Variants in LYPLAL1 observed in about 807,000 individuals in gnomAD.
LYPLAL1 encodes lysophospholipase-like protein 1.
LYPLAL1 carries 23 observed loss-of-function variants against 19.7 expected under a neutral mutation model. The ratio of observed to expected loss-of-function variants is 1.17; its 90% CI spans 0.84 to 1.65. The LOEUF is 1.65. Ranked by LOEUF, LYPLAL1 falls within the 40% of genes most tolerant of loss-of-function variation. The pLI is 0.00. For synonymous variants in LYPLAL1, 119 were observed against 96.3 expected (o/e 1.24, Z -1.38); for missense variants, 355 against 279.4 (o/e 1.27, Z -1.93).
intron 3 of LYPLAL1, among the ~76,000 whole-genome samples, chr1:219,203,486 C>A (rs1160584558): frequency 6.6e-6 from 1 of 152,124 alleles, no homozygotes. Context: ...TATTCTAATA[C>A]TGTACAGGTA....
chr1:219,260,718 A>G, the LYPLAL1 span, among the ~76,000 whole-genome samples: 7 of 150,272 alleles, frequency 4.7e-5, no homozygotes, highest in Admixed American at 6.7e-5. Flanking sequence ...ATGCATAAAT[A>G]CACACACATA....
chr1:219,303,825 A>T, the LYPLAL1 span, among the ~76,000 whole-genome samples: 1 of 152,290 alleles, frequency 6.6e-6, no homozygotes, highest in East Asian at 1.9e-4. Context: ...TAGGTATCTT[A>T]TGATACCTGA....
chr1:219,220,917 A>G, the LYPLAL1 span, among the ~76,000 whole-genome samples: 5 of 152,284 alleles, frequency 3.3e-5, no homozygotes, highest in Non-Finnish European at 5.9e-5. Context: ...CACAACCTGA[A>G]AAAGTGTTAA....
chr1:219,217,933 T>G, the LYPLAL1 span, among the ~76,000 whole-genome samples: 1 of 152,068 alleles, frequency 6.6e-6, no homozygotes, highest in African/African-American at 2.4e-5. Context: ...ACTGGAATTT[T>G]GCAAAGGAGG....
At chr1:219,379,060 A>G in the LYPLAL1 span, among the ~76,000 whole-genome samples, 2 of 151,772 alleles carry the variant, frequency 1.3e-5, no homozygotes, top group Non-Finnish European at 2.9e-5. Flanking sequence ...ATTTCTCTCT[A>G]TATATATATT....
At chr1:219,248,083 A>G in the LYPLAL1 span, among the ~76,000 whole-genome samples, 4 of 152,160 alleles carry the variant, frequency 2.6e-5, no homozygotes, top group Non-Finnish European at 5.9e-5. Flanking sequence ...AAATTTTCCA[A>G]ATCAGAGAAA....
At chr1:219,241,353 G>A in the LYPLAL1 span, among the ~76,000 whole-genome samples, 1 of 151,586 alleles carries the variant, frequency 6.6e-6, no homozygotes, top group Non-Finnish European at 1.5e-5. Context: ...TTGACACTGC[G>A]AGAAGTTTGT....
intron 3 of LYPLAL1, among the ~76,000 whole-genome samples, chr1:219,202,529 A>G (rs931488941): frequency 6.6e-6 from 1 of 152,188 alleles, no homozygotes; most frequent in Non-Finnish European, 1.5e-5. Context: ...TACAGTGTCT[A>G]TTAGGGTACA....
chr1:219,398,380 G>C, the LYPLAL1 span, among the ~76,000 whole-genome samples: 311 of 152,170 alleles, frequency 2.0e-3, 2 homozygotes, highest in African/African-American at 7.0e-3. Context: ...TGAAATTCTT[G>C]CCATGAGTTT....
chr1:219,438,535 T>C, the LYPLAL1 span, among the ~76,000 whole-genome samples: 1 of 152,228 alleles, frequency 6.6e-6, no homozygotes, highest in Non-Finnish European at 1.5e-5. Context: ...CATTGTTCTG[T>C]AGTAAACAGG....
At chr1:219,360,179 A>G in the LYPLAL1 span, among the ~76,000 whole-genome samples, 33 of 152,230 alleles carry the variant, frequency 2.2e-4, no homozygotes, top group African/African-American at 7.5e-4. Context: ...AGAAACTGCA[A>G]ACCACACCAG....
the LYPLAL1 span, among the ~76,000 whole-genome samples, chr1:219,326,609 T>A: frequency 6.6e-6 from 1 of 152,180 alleles, no homozygotes; most frequent in African/African-American, 2.4e-5. Flanking sequence ...CCTATTTGAT[T>A]CAAATTAGAT....
chr1:219,254,690 T>C, the LYPLAL1 span, among the ~76,000 whole-genome samples: 3 of 151,976 alleles, frequency 2.0e-5, no homozygotes, highest in Non-Finnish European at 4.4e-5. Context: ...ACCTGCCCTT[T>C]CTGTCTAGCT....
intron 3 of LYPLAL1, among the ~76,000 whole-genome samples, chr1:219,202,527 C>G (rs891343220): frequency 1.3e-5 from 2 of 152,078 alleles, no homozygotes; most frequent in Admixed American, 1.3e-4. Flanking sequence ...TGTACAGTGT[C>G]TATTAGGGTA....
chr1:219,407,813 C>T, the LYPLAL1 span, among the ~76,000 whole-genome samples: 22 of 152,170 alleles, frequency 1.4e-4, no homozygotes, highest in East Asian at 9.7e-4. Flanking sequence ...CTGGGAAGCC[C>T]ACCATTAAGA....
At chr1:219,256,911 GT>G in the LYPLAL1 span, among the ~76,000 whole-genome samples, 6 of 151,840 alleles carry the variant, frequency 4.0e-5, no homozygotes, top group East Asian at 1.2e-3. Context: ...TAATTTCACT[GT>G]GGTCAAATAA....
the LYPLAL1 span, among the ~76,000 whole-genome samples, chr1:219,335,191 C>A: frequency 4.2e-3 from 642 of 152,054 alleles, 1 homozygote; most frequent in Non-Finnish European, 6.1e-3. Context: ...GCTCTATTTT[C>A]AATTACCACC....
At chr1:219,313,125 C>T in the LYPLAL1 span, among the ~76,000 whole-genome samples, 5 of 152,232 alleles carry the variant, frequency 3.3e-5, no homozygotes, top group East Asian at 5.8e-4. Flanking sequence ...TCCTTTATAT[C>T]ATCCAGTGTA....
the LYPLAL1 span, among the ~76,000 whole-genome samples, chr1:219,435,655 T>C: frequency 6.6e-6 from 1 of 151,898 alleles, no homozygotes; most frequent in African/African-American, 2.4e-5. Context: ...TGAAACCCCG[T>C]CTGTACTAAA....
Sources: gnomAD v4.1 joint callset for allele counts (sites outside exome capture counted in the v4.1 genomes callset) on GRCh38, gnomAD v4.1.1 for gene constraint, MANE v1.5 for transcripts, NCBI Gene and HGNC (gene_info 2026-07-23, HGNC 2026-07-21) for gene names.